The following MYRFL variants were observed in gnomAD, a reference collection of about 807,000 sequenced individuals.
The protein encoded by MYRFL is myelin regulatory factor-like protein.
In MYRFL, 88 loss-of-function variants were observed where a neutral mutation model predicts 109.4. That is an observed-to-expected ratio of 0.80 (90% CI 0.68 to 0.96). MYRFL has a LOEUF of 0.96. MYRFL is among the 40% of genes least tolerant of loss of function. The probability of loss-of-function intolerance (pLI) is 0.00; values close to 1 mark genes in which losing one functional copy is unlikely to be tolerated. For synonymous variants in MYRFL, 324 were observed against 320.9 expected (o/e 1.01, Z -0.10); for missense variants, 957 against 954.9 (o/e 1.00, Z -0.03).
Position 69,932,545 on chromosome 12 carries a change from T to G in MYRFL, c.1863T>G (p.Pro621=). 6.5e-7 allele frequency: 1 copy of G among 1,536,118 alleles called. No individual in the cohort carries two copies. The highest frequency in any genetic ancestry group is 1.4e-5 in the African/African-American group (1 of 73,188). The change falls in exon 16 of 25, where the codon CCT becomes CCG. Residue 621 remains proline, a synonymous_variant. Coordinates refer to ENST00000552032, the MANE Select transcript of MYRFL (RefSeq NM_182530.3). ...TTTCAGGAAAAAGACAGGCGTGTCC[T>G]AATTGGGTTTTCCAGACCTTGGTTA... ...VYFSGKRQAC[P]NWVFQTLVIT...
intron 13 of MYRFL, among the ~76,000 whole-genome samples, chr12:69,925,469 A>G (rs1215820422): frequency 6.6e-6 from 1 of 152,204 alleles, no homozygotes; most frequent in Admixed American, 6.5e-5. Context: ...TTGACCCTCA[A>G]CCACAAAACA....
At chr12:69,889,788 C>T (rs781710093) in intron 6 of MYRFL, among the ~76,000 whole-genome samples, 13 of 152,006 alleles carry the variant, frequency 8.6e-5, no homozygotes, top group Non-Finnish European at 1.3e-4. Flanking sequence ...ACCCGGGAGG[C>T]GGAGGTCGCA....
chr12:69,897,817 T>C (rs369553383), intron 10 of MYRFL, among the ~76,000 whole-genome samples: 8 of 152,302 alleles, frequency 5.3e-5, no homozygotes, highest in African/African-American at 1.9e-4. Flanking sequence ...CAAATGTGAT[T>C]GGTAGCACCA....
At chr12:69,939,171 G>A (rs920512944) in intron 19 of MYRFL, among the ~76,000 whole-genome samples, 18 of 152,330 alleles carry the variant, frequency 1.2e-4, no homozygotes, top group Non-Finnish European at 2.4e-4. Flanking sequence ...CAGGAAGCTC[G>A]AACTGGGTGG....
chr12:69,889,671 T>C (rs1449584252), intron 6 of MYRFL, among the ~76,000 whole-genome samples: 2 of 152,126 alleles, frequency 1.3e-5, no homozygotes, highest in African/African-American at 4.8e-5. Context: ...CTGGCCAACA[T>C]GGCGAAACCC....
chr12:69,948,927 G>C (rs1385023170), intron 19 of MYRFL, among the ~76,000 whole-genome samples: 5 of 152,120 alleles, frequency 3.3e-5, no homozygotes, highest in African/African-American at 7.2e-5. Context: ...TAAGAGGAAA[G>C]TTTTTTGGAG....
intron 1 of MYRFL, among the ~76,000 whole-genome samples, chr12:69,843,192 T>C (rs1883344199): frequency 1.3e-5 from 2 of 149,186 alleles, no homozygotes; most frequent in Admixed American, 6.7e-5. Flanking sequence ...TATCTTCTTT[T>C]CTTCCTCTCC....
chr12:69,922,653 C>CT (rs1483471158), intron 13 of MYRFL, among the ~76,000 whole-genome samples: 1 of 152,086 alleles, frequency 6.6e-6, no homozygotes, highest in Non-Finnish European at 1.5e-5. Context: ...ATTGTCAATA[C>CT]TTTTTTCTGA....
intron 16 of MYRFL, 118 bp downstream of exon 16, chr12:69,932,716 C>A: frequency 1.4e-6 from 1 of 714,870 alleles, no homozygotes; most frequent in Non-Finnish European, 2.3e-6. Context: ...GCCCTTTAAA[C>A]TAGACACTGA....
intron 1 of MYRFL, among the ~76,000 whole-genome samples, chr12:69,834,668 C>T (rs764181155): frequency 1.3e-5 from 2 of 152,118 alleles, no homozygotes; most frequent in African/African-American, 2.4e-5. Context: ...ACAAGTACAG[C>T]TACATACATA....
chr12:69,957,904 C>G lies in MYRFL; in HGVS notation c.2533C>G (p.Leu845Val), dbSNP rs10879065. 2 of 1,534,172 alleles carry G rather than the reference C, an allele frequency of 1.3e-6. No individual in the cohort carries two copies. The highest frequency in any genetic ancestry group is 1.7e-6 in the Non-Finnish European group (2 of 1,145,604). ...CFHSKRGTKG[L>V]ESHREISQEM... is the part of the protein sequence containing the mutation. ...CCATAGTAAAAGGGGAACCAAAGGG[C>G]TGGAAAGCCACAGAGAAATCTCCCA... Residue 845 changes from leucine (L) to valine (V), a missense_variant, in exon 23 of 25, where the codon CTG becomes GTG. Coordinates refer to ENST00000552032, the MANE Select transcript of MYRFL (RefSeq NM_182530.3).
chr12:69,861,661 TGA>T, intron 2 of MYRFL, among the ~76,000 whole-genome samples: 1 of 152,248 alleles, frequency 6.6e-6, no homozygotes. Context: ...CTTTGTCAGA[TGA>T]ATAGGTTGTG....
chr12:69,886,579 G>A (rs1886464482), intron 5 of MYRFL, among the ~76,000 whole-genome samples: 1 of 152,168 alleles, frequency 6.6e-6, no homozygotes, highest in African/African-American at 2.4e-5. Flanking sequence ...AGGGTAGATA[G>A]ATATCAGGGA....
chr12:69,860,166 A>C (rs1479505231), intron 2 of MYRFL, among the ~76,000 whole-genome samples: 2 of 152,040 alleles, frequency 1.3e-5, no homozygotes, highest in Non-Finnish European at 2.9e-5. Context: ...TGTTCTCATA[A>C]TTCAGCTCCC....
In MYRFL at chr12:69,853,806, G is replaced by A. The variant is rs111340757; in HGVS notation, c.47-1474G>A. On this transcript the variant is annotated intron_variant, in intron 1 of 24. Transcript: ENST00000552032. ...AGACGATGGTTGGCCAGGCAGAGAC[G>A]CTCCTCACTTCCCAGACGGGATCGC... is the stretch of plus-strand genomic sequence containing the variant. Among the ~76,000 whole-genome samples, 945 of 150,650 alleles carry A rather than the reference G, an allele frequency of 6.3e-3. 7 individuals carry two copies. Among genetic ancestry groups the A allele is most frequent in the African/African-American group, 0.022 (896 of 40,958 alleles).
At chr12:69,924,700 T>A (rs1317275162) in intron 13 of MYRFL, among the ~76,000 whole-genome samples, 1 of 152,198 alleles carries the variant, frequency 6.6e-6, no homozygotes, top group Non-Finnish European at 1.5e-5. Context: ...TTGAAGGATG[T>A]ATGGTAAGAC....
chr12:69,910,102 A>T, intron 12 of MYRFL, 25 bp downstream of exon 12: 3 of 1,424,662 alleles, frequency 2.1e-6, no homozygotes, highest in Non-Finnish European at 2.8e-6. Flanking sequence ...TCCCCTTTTA[A>T]TTTTGTATTG....
intron 2 of MYRFL, among the ~76,000 whole-genome samples, chr12:69,871,319 GC>G (rs1225875759): frequency 7.0e-6 from 1 of 143,292 alleles, no homozygotes; most frequent in East Asian, 2.1e-4. Context: ...TGCAAGCTCC[GC>G]CTCCCGGGTT....
intron 10 of MYRFL, among the ~76,000 whole-genome samples, chr12:69,902,282 T>C (rs1418024032): frequency 1.3e-5 from 2 of 152,292 alleles, no homozygotes; most frequent in African/African-American, 2.4e-5. Flanking sequence ...AATTAGGAAA[T>C]TGAAGACATC....
Sources: allele counts gnomAD v4.1 joint callset (sites outside exome capture counted in the v4.1 genomes callset), GRCh38; gene constraint gnomAD v4.1.1; transcripts MANE v1.5; gene names NCBI Gene and HGNC (gene_info 2026-07-23, HGNC 2026-07-21).